Variants in FCAMR observed in about 807,000 individuals in gnomAD.
FCAMR encodes the protein Fc alpha and mu receptor, also known as high affinity immunoglobulin alpha and immunoglobulin mu Fc receptor.
In FCAMR, 51 loss-of-function variants were observed where a neutral mutation model predicts 52.2. The observed-to-expected ratio is 0.98, with a 90% CI of 0.78 to 1.23. FCAMR has a LOEUF of 1.23. FCAMR is among the 50% of genes most tolerant of loss of function. The pLI is 0.00. For synonymous variants in FCAMR, 282 were observed against 262.0 expected, an observed-to-expected ratio of 1.08 and a Z score of -0.74; for missense variants, 719 against 712.6, an observed-to-expected ratio of 1.01 and a Z score of -0.10.
At chr1:206,959,845 G>A in intron 6 of FCAMR, 48 bp from the exon 7 acceptor site, 2 of 1,452,382 alleles carry the variant, frequency 1.4e-6, no homozygotes, top group African/African-American at 2.8e-5. Flanking sequence ...TTGGAGCTGG[G>A]CAGAAGATTA....
At chr1:206,963,430 G>A (rs570931383) in intron 4 of FCAMR, among the ~76,000 whole-genome samples, 1 of 152,222 alleles carries the variant, frequency 6.6e-6, no homozygotes, top group East Asian at 1.9e-4. Flanking sequence ...TACCTTCTCC[G>A]TGGACATCTC....
rs1178513791 is a variant in FCAMR at position 206,962,389 on chromosome 1, T to C, written c.476A>G (p.Asn159Ser). The change falls in exon 5 of 8, where the codon AAC (asparagine) becomes AGC (serine). Residue 159 changes from asparagine to serine, a missense_variant. Transcript: ENST00000324852. ...ACGATAGCGATGGTGAGTATACTGG[T>C]TGGTGGACACAATGGTCTGGCAGAT... ...RWICQTIVST[N>S]QYTHHRYRDR... 2 of 1,614,000 alleles carry C rather than the reference T, an allele frequency of 1.2e-6. No individual in the cohort carries two copies. The highest frequency in any genetic ancestry group is 3.3e-5 in the Admixed American group (2 of 59,994).
intron 4 of FCAMR, among the ~76,000 whole-genome samples, chr1:206,963,754 G>A (rs1170927413): frequency 6.6e-6 from 1 of 152,178 alleles, no homozygotes; most frequent in Non-Finnish European, 1.5e-5. Context: ...TGAGACAGTT[G>A]TGATCTGCCC....
chr1:206,964,192 A>G (rs1680617003), intron 4 of FCAMR, among the ~76,000 whole-genome samples: 1 of 152,122 alleles, frequency 6.6e-6, no homozygotes, highest in Non-Finnish European at 1.5e-5. Flanking sequence ...GCAGCCGCTG[A>G]TGATTCTCTC....
chr1:206,960,674 T>A lies in FCAMR; in HGVS notation c.1202A>T (p.Gln401Leu), dbSNP rs1235510436. The change falls in exon 6 of 8, where the codon CAA (glutamine) becomes CTA (leucine). Residue 401 changes from glutamine (Q) to leucine (L), a missense_variant. Coordinates refer to ENST00000324852, the MANE Select transcript of FCAMR (RefSeq NM_001170631.2). The part of the protein sequence containing the change: ...LPQATPVSKQ[Q>L]SQGSIGETTP... ...TGTTTCTCCAATGGAACCCTGAGATTGTTGCTTAGAAACTGGCGTTGCTTG... is the reference window on the plus strand; with the variant it reads ...TGTTTCTCCAATGGAACCCTGAGATAGTTGCTTAGAAACTGGCGTTGCTTG... The A allele has an allele frequency of 1.3e-6, 2 of 1,551,960 alleles. No individual in the cohort carries two copies. The highest frequency in any genetic ancestry group is 1.7e-6 in the Non-Finnish European group (2 of 1,147,086).
At position 206,966,211 on chromosome 1, in the gene FCAMR, A is replaced by G. The variant is rs1217116302; in HGVS notation, c.170-353T>C. On this transcript the variant is annotated intron_variant, in intron 3 of 7. Coordinates refer to ENST00000324852, the MANE Select transcript of FCAMR (RefSeq NM_001170631.2). ...TTTAGCTGGAAACTTTAAATGATCA[A>G]ATTTAGAACGTTTGAGACTTAAAGC... is the stretch of plus-strand genomic sequence containing the variant. Among the ~76,000 whole-genome samples the G allele has an allele frequency of 2.0e-5, 3 of 152,184 alleles. No homozygotes were observed. The South Asian group carries it at 6.2e-4, about 32-fold the overall frequency.
intron 1 of FCAMR, among the ~76,000 whole-genome samples, chr1:206,969,730 G>A (rs1680862656): frequency 6.6e-6 from 1 of 152,160 alleles, no homozygotes; most frequent in Non-Finnish European, 1.5e-5. Context: ...GACTCAGGAG[G>A]GGCTGCAGCA....
At position 206,967,077 on chromosome 1, in the gene FCAMR, GA is replaced by G; in HGVS notation, c.143del (p.Leu48ProfsTer62). On this transcript the variant is annotated frameshift_variant, in exon 3 of 8. Transcript: ENST00000324852. LOFTEE classifies it high-confidence loss of function. The part of the protein sequence containing the change: ...TSRRAGWKMP[L>X]FLILCLLQGS... The stretch of plus-strand genomic sequence containing the variant: ...CTTGTAGCAGGCACAGTATGAGGAA[GA>G]GGGGCATTTTCCATCCCGCCCTCCT... 6.2e-7 allele frequency: 1 copy of G among 1,614,046 alleles called. No individual in the cohort carries two copies.
Position 206,965,715 on chromosome 1 carries a change from C to T in FCAMR, c.313G>A (p.Ala105Thr). The change falls in exon 4 of 8, where the codon GCT becomes ACT. Residue 105 changes from alanine (A) to threonine (T), a missense_variant and splice_region_variant. Transcript: ENST00000324852. The stretch of plus-strand genomic sequence containing the variant: ...AACAAAGGGAGAGTAGGGGTTGTAC[C>T]TGCAAAGGAGCTCTCCTCCCGCCAG... ...LCWREESSFA[A>T]PNSLKGSRLV... The T allele has an allele frequency of 6.4e-7, 1 of 1,567,260 alleles. No individual in the cohort carries two copies. Among genetic ancestry groups the T allele is most frequent in the Non-Finnish European group, 8.6e-7 (1 of 1,162,956 alleles).
intron 1 of FCAMR, 51 bp from the exon 2 acceptor site, chr1:206,967,702 T>C (rs1012204722): frequency 1.3e-6 from 2 of 1,545,890 alleles, no homozygotes; most frequent in African/African-American, 2.7e-5. Context: ...TCTGTTTCAC[T>C]GTTAGTATGC....
intron 6 of FCAMR, chr1:206,960,086 C>A (rs1020727551): frequency 1.4e-5 from 7 of 506,452 alleles, no homozygotes; most frequent in African/African-American, 1.9e-5. Flanking sequence ...AGCCTCAGCA[C>A]TGGGCTCTGC....
rs1317821504 is a variant in FCAMR at position 206,960,662 on chromosome 1, G to A, written c.1214C>T (p.Ser405Phe). The A allele has an allele frequency of 6.4e-7, 1 of 1,551,888 alleles. No homozygotes were observed. Among genetic ancestry groups the A allele is most frequent in the Non-Finnish European group, 8.7e-7 (1 of 1,147,062 alleles). Reference sequence around the variant, plus strand: ...TGCAGCTGGAGTTGTTTCTCCAATGGAACCCTGAGATTGTTGCTTAGAAAC... The same window carrying A: ...TGCAGCTGGAGTTGTTTCTCCAATGAAACCCTGAGATTGTTGCTTAGAAAC... Reference protein sequence around the residue: ...TPVSKQQSQGSIGETTPAAGM... With the variant: ...TPVSKQQSQGFIGETTPAAGM... Residue 405 changes from serine (S) to phenylalanine (F), a missense_variant, in exon 6 of 8, where the codon TCC becomes TTC. Coordinates refer to ENST00000324852, the MANE Select transcript of FCAMR (RefSeq NM_001170631.2).
At chr1:206,960,367 C>T (rs1278402389) in intron 6 of FCAMR, 55 bp downstream of exon 6, 18 of 1,446,498 alleles carry the variant, frequency 1.2e-5, no homozygotes, top group Non-Finnish European at 1.5e-5. Context: ...CCCTTGCATG[C>T]CAGGGATGAG....
chr1:206,960,844 C>T lies in FCAMR; in HGVS notation c.1032G>A (p.Arg344=). 6.4e-7 allele frequency: 1 copy of T among 1,552,422 alleles called. No homozygotes were observed. Among genetic ancestry groups the T allele is most frequent in the Non-Finnish European group, 8.7e-7 (1 of 1,147,160 alleles). ...VTNRARASKD[R]REMTTTKADR... is the part of the protein sequence containing the mutation. ...CAGCCTTGGTAGTTGTCATCTCCCTCCTGTCCTTGCTGGCTCTAGCCCTGT... is the reference window on the plus strand; with the variant it reads ...CAGCCTTGGTAGTTGTCATCTCCCTTCTGTCCTTGCTGGCTCTAGCCCTGT... Residue 344 remains arginine, a synonymous_variant, in exon 6 of 8, where the codon AGG becomes AGA. Coordinates refer to ENST00000324852, the MANE Select transcript of FCAMR (RefSeq NM_001170631.2).
chr1:206,963,076 T>A (rs1394568977), intron 4 of FCAMR, among the ~76,000 whole-genome samples: 1 of 152,244 alleles, frequency 6.6e-6, no homozygotes, highest in African/African-American at 2.4e-5. Flanking sequence ...CTGGTTTGCA[T>A]GGAATGTAAA....
rs564972161 is a variant in FCAMR, at chr1:206,960,120, G to T, written c.1454+302C>A. The T allele has an allele frequency of 6.0e-6, 3 of 497,762 alleles. No individual in the cohort carries two copies. The South Asian group carries it at 1.0e-4, about 17-fold the overall frequency. 30.8% of individuals were successfully genotyped at this position (497,762 alleles called of 1,614,324 possible). A position where few individuals can be genotyped will look rare whatever the true frequency, so the allele number is the denominator to read the frequency against. ...GCCACAACCTTTCCTTGTGGCTTCA[G>T]TGCATCACCCCCTCTCTCCGGAGCG... On this transcript the variant is annotated intron_variant, in intron 6 of 7. Transcript: ENST00000324852.
rs372735172 is a variant in FCAMR at position 206,960,604 on chromosome 1, A to G, written c.1272T>C (p.Asp424=). Residue 424 remains aspartate (D), a synonymous_variant, in exon 6 of 8, where the codon GAT becomes GAC. Transcript: ENST00000324852. ...GMWTLGTPAA[D]VWILGTPAAD... The stretch of plus-strand genomic sequence containing the variant: ...CAGCTGGAGTTCCCAAGATCCACAC[A>G]TCTGCAGCTGGAGTTCCCAAGGTCC... The G allele has an allele frequency of 6.4e-7, 1 of 1,551,818 alleles. No homozygotes were observed. The highest frequency in any genetic ancestry group is 8.7e-7 in the Non-Finnish European group (1 of 1,147,002).
chr1:206,963,418 C>G (rs1171447410), intron 4 of FCAMR, among the ~76,000 whole-genome samples: 2 of 152,206 alleles, frequency 1.3e-5, no homozygotes, highest in Non-Finnish European at 2.9e-5. Context: ...ACTGCCTCTT[C>G]ATACCTTCTC....
At position 206,965,794 on chromosome 1, in the gene FCAMR, G is replaced by A; in HGVS notation, c.234C>T (p.Pro78=). 6.3e-7 allele frequency: 1 copy of A among 1,596,208 alleles called. No homozygotes were observed. The highest frequency in any genetic ancestry group is 8.5e-7 in the Non-Finnish European group (1 of 1,173,074). Residue 78 remains proline (P), a synonymous_variant, in exon 4 of 8, where the codon CCC becomes CCT. Coordinates refer to ENST00000324852, the MANE Select transcript of FCAMR (RefSeq NM_001170631.2). The stretch of plus-strand genomic sequence containing the variant: ...CCATGGCCCGGAGATGGGTCCTGGA[G>A]GGGAGAGAGCCCTCCCACAGCCATC... The part of the protein sequence containing the change: ...HPRWLWEGSL[P]SRTHLRAMGT...
Sources: allele counts gnomAD v4.1 joint callset (sites outside exome capture counted in the v4.1 genomes callset), GRCh38; gene constraint gnomAD v4.1.1; transcripts MANE v1.5; gene names NCBI Gene and HGNC (gene_info 2026-07-23, HGNC 2026-07-21).